The following SCIMP variants were observed in gnomAD, a reference collection of about 807,000 sequenced individuals.
SCIMP encodes SLP adaptor and CSK interacting membrane protein, also known as SLP adapter and CSK-interacting membrane protein.
A neutral mutation model predicts 22.0 loss-of-function variants in SCIMP; 18 were observed. That is an observed-to-expected ratio of 0.82 (90% CI 0.56 to 1.21). The LOEUF is 1.21. Among genes scored for constraint, SCIMP ranks in the 50% most tolerant of loss-of-function variants. SCIMP has a pLI of 0.00. For missense variants in SCIMP, 155 were observed against 171.2 expected, an observed-to-expected ratio of 0.91 and a Z score of 0.53; for synonymous variants, 53 against 62.2, an observed-to-expected ratio of 0.85 and a Z score of 0.70.
intron 1 of SCIMP, among the ~76,000 whole-genome samples, chr17:5,232,254 C>T (rs954187829): frequency 2.0e-5 from 3 of 150,524 alleles, no homozygotes; most frequent in Non-Finnish European, 2.9e-5. Context: ...CTCTGGTGGT[C>T]CCCCGCTGAG....
At chr17:5,231,446 A>G (rs1366963025) in intron 1 of SCIMP, among the ~76,000 whole-genome samples, 2 of 152,060 alleles carry the variant, frequency 1.3e-5, no homozygotes, top group African/African-American at 4.8e-5. Flanking sequence ...ATGACCATCA[A>G]TCCTTCAACT....
intron 4 of SCIMP, among the ~76,000 whole-genome samples, chr17:5,212,082 AAAAC>A (rs755670619): frequency 4.6e-5 from 7 of 152,026 alleles, no homozygotes; most frequent in Non-Finnish European, 7.4e-5. Flanking sequence ...AAAGAAACAA[AAAAC>A]AAACAAAAAG....
At chr17:5,232,346 G>A (rs868029024) in intron 1 of SCIMP, among the ~76,000 whole-genome samples, 2 of 34,620 alleles carry the variant, frequency 5.8e-5, no homozygotes, top group African/African-American at 2.1e-4. Context: ...GAAAGGGGTG[G>A]AATATAAACA....
Position 5,215,000 on chromosome 17 carries a change from T to TAG in SCIMP, c.210-4_210-3dup. The TAG allele has an allele frequency of 1.9e-6, 3 of 1,599,890 alleles. No homozygotes were observed. The highest frequency in any genetic ancestry group is 2.6e-6 in the Non-Finnish European group (3 of 1,167,304). ...ACTGGCGACTCATTAAGAACATTCC[T>TAG]AGAGAGAGAGAAAGAGAGAGAATCA... On this transcript the variant is annotated splice_region_variant and splice_polypyrimidine_tract_variant and intron_variant, in intron 3 of 4. Transcript: ENST00000574081.
intron 1 of SCIMP, among the ~76,000 whole-genome samples, chr17:5,232,856 C>T (rs1455326823): frequency 3.3e-5 from 5 of 152,176 alleles, no homozygotes; most frequent in South Asian, 4.2e-4. Context: ...ATTACCGACA[C>T]GCACCACCAT....
rs979735410 is a variant in SCIMP at position 5,210,877 on chromosome 17, A to G, written c.362T>C (p.Ile121Thr). 6.2e-7 allele frequency: 1 copy of G among 1,614,104 alleles called. No individual in the cohort carries two copies. Among genetic ancestry groups the G allele is most frequent in the Non-Finnish European group, 8.5e-7 (1 of 1,180,018 alleles). The change falls in exon 5 of 5, where the codon ATC becomes ACC. Residue 121 changes from isoleucine to threonine, a missense_variant. Coordinates refer to ENST00000574081, the MANE Select transcript of SCIMP (RefSeq NM_207103.3). ...NKVKNKKTVS[I>T]PSYIEPEDDY... Reference sequence around the variant, plus strand: ...ATCTTCAGGCTCAATGTAGCTTGGGATGGAAACAGTCTTCTTATTTTTAAC... The same window carrying G: ...ATCTTCAGGCTCAATGTAGCTTGGGGTGGAAACAGTCTTCTTATTTTTAAC...
At chr17:5,229,636 T>C (rs1172928268) in intron 1 of SCIMP, among the ~76,000 whole-genome samples, 5 of 152,132 alleles carry the variant, frequency 3.3e-5, no homozygotes, top group Non-Finnish European at 7.4e-5. Flanking sequence ...CTTCAGGTGA[T>C]CCACCCGCCT....
At chr17:5,232,402 T>TAAACAGTGC in intron 1 of SCIMP, among the ~76,000 whole-genome samples, 1 of 19,884 alleles carries the variant, frequency 5.0e-5, no homozygotes, top group Non-Finnish European at 9.1e-5. Flanking sequence ...ATAAACAGTA[T>TAAACAGTGC]AAACAGTGCA....
chr17:5,230,159 G>A (rs1157369384), intron 1 of SCIMP, among the ~76,000 whole-genome samples: 1 of 152,118 alleles, frequency 6.6e-6, no homozygotes, highest in African/African-American at 2.4e-5. Context: ...CCACTTAGCT[G>A]TTGCACTTGG....
chr17:5,216,609 AG>A (rs2074567078), intron 3 of SCIMP, among the ~76,000 whole-genome samples: 2 of 152,094 alleles, frequency 1.3e-5, no homozygotes, highest in South Asian at 4.1e-4. Flanking sequence ...GAGGTTACAG[AG>A]AGCCAAGATC....
intron 1 of SCIMP, among the ~76,000 whole-genome samples, chr17:5,227,265 A>G (rs1301084131): frequency 6.7e-6 from 1 of 149,428 alleles, no homozygotes; most frequent in Admixed American, 6.8e-5. Flanking sequence ...ACATAGCAAG[A>G]CCCTGTCTCT....
intron 1 of SCIMP, among the ~76,000 whole-genome samples, chr17:5,227,344 T>G (rs2074658676): frequency 6.9e-6 from 1 of 144,472 alleles, no homozygotes; most frequent in South Asian, 2.2e-4. Flanking sequence ...TAGCCAGGTG[T>G]GGCGGCATGT....
At chr17:5,226,927 T>C (rs1290627765) in intron 1 of SCIMP, among the ~76,000 whole-genome samples, 2 of 151,822 alleles carry the variant, frequency 1.3e-5, no homozygotes, top group Admixed American at 1.3e-4. Flanking sequence ...ACCAGGCTGG[T>C]TTAATGGCCA....
chr17:5,211,172 G>A lies in SCIMP; in HGVS notation c.284-217C>T, dbSNP rs368191920. Among the ~76,000 whole-genome samples, 33 of 152,246 alleles carry A rather than the reference G, an allele frequency of 2.2e-4. 1 individual carries two copies. In the South Asian group the frequency reaches 3.3e-3, roughly 15 times the overall value. ...ATATTAGTCAGACATCTTGACTCCC[G>A]TATCTTTCTGCCTAAGCCTGCACTG... On this transcript the variant is annotated intron_variant, in intron 4 of 4. Coordinates refer to ENST00000574081, the MANE Select transcript of SCIMP (RefSeq NM_207103.3).
intron 2 of SCIMP, 49 bp from the exon 3 acceptor site, chr17:5,221,399 G>T: frequency 7.0e-7 from 1 of 1,435,926 alleles, no homozygotes; most frequent in Non-Finnish European, 9.8e-7. Context: ...CAAAAGTTGT[G>T]ATTTTTTAAT....
At chr17:5,212,693 T>A (rs1160271951) in intron 4 of SCIMP, among the ~76,000 whole-genome samples, 1 of 152,216 alleles carries the variant, frequency 6.6e-6, no homozygotes, top group Non-Finnish European at 1.5e-5. Context: ...GTGAATGAGC[T>A]AATACCTGTA....
chr17:5,229,681 C>T (rs1174254333), intron 1 of SCIMP, among the ~76,000 whole-genome samples: 1 of 152,040 alleles, frequency 6.6e-6, no homozygotes, highest in Non-Finnish European at 1.5e-5. Flanking sequence ...CAGGCATGAG[C>T]CACTGCGTCC....
Position 5,223,449 on chromosome 17 carries a change from G to A in SCIMP, c.29C>T (p.Thr10Ile). The part of the protein sequence containing the change: MDTFTVQDS[T>I]AMSWWRNNFW... ...ATTATTCCTCCACCAGCTCATTGCA[G>A]TGGAATCCTGAGAAGAATGGAGAGA... The change falls in exon 2 of 5, where the codon ACT becomes ATT. Residue 10 changes from threonine to isoleucine, a missense_variant. Physicochemically the swap from Thr to Ile is moderately conservative, Grantham distance 89. Coordinates refer to ENST00000574081, the MANE Select transcript of SCIMP (RefSeq NM_207103.3). 1 of 1,613,796 alleles carries A rather than the reference G, an allele frequency of 6.2e-7. No homozygotes were observed. Among genetic ancestry groups the A allele is most frequent in the Non-Finnish European group, 8.5e-7 (1 of 1,179,728 alleles).
At chr17:5,231,078 G>A (rs2074690171) in intron 1 of SCIMP, among the ~76,000 whole-genome samples, 1 of 151,460 alleles carries the variant, frequency 6.6e-6, no homozygotes, top group African/African-American at 2.4e-5. Flanking sequence ...GTTTTTCAAG[G>A]GCTGGGCACG....
Sources: allele counts gnomAD v4.1 joint callset (sites outside exome capture counted in the v4.1 genomes callset), GRCh38; gene constraint gnomAD v4.1.1; transcripts MANE v1.5; gene names NCBI Gene and HGNC (gene_info 2026-07-23, HGNC 2026-07-21).